SLC35F3: variants seen among roughly 807,000 people sequenced by gnomAD.
The protein encoded by SLC35F3 is putative thiamine transporter SLC35F3.
In SLC35F3, 25 loss-of-function variants were observed where a neutral mutation model predicts 49.9. The ratio of observed to expected loss-of-function variants is 0.50; its 90% CI spans 0.37 to 0.70. The LOEUF (loss-of-function observed/expected upper bound fraction) is 0.70, where lower values mean the gene tolerates loss of function less well. Among genes scored for constraint, SLC35F3 ranks in the 30% least tolerant of loss-of-function variants. SLC35F3 has a pLI of 0.00. For synonymous variants in SLC35F3, 275 were observed against 265.4 expected, an observed-to-expected ratio of 1.04 and a Z score of -0.35; for missense variants, 525 against 639.8, an observed-to-expected ratio of 0.82 and a Z score of 1.94.
chr1:234,283,141 A>G (rs528506085), intron 3 of SLC35F3, among the ~76,000 whole-genome samples: 8 of 152,212 alleles, frequency 5.3e-5, no homozygotes, highest in Non-Finnish European at 1.2e-4. Flanking sequence ...CTCCATCTCC[A>G]TTTGGGGACA....
intron 2 of SLC35F3, among the ~76,000 whole-genome samples, chr1:234,195,516 T>G (rs1018097497): frequency 6.6e-6 from 1 of 152,194 alleles, no homozygotes; most frequent in African/African-American, 2.4e-5. Context: ...TCTTATAGCA[T>G]CAAGCTCCTT....
intron 2 of SLC35F3, among the ~76,000 whole-genome samples, chr1:234,147,746 G>A (rs1275783488): frequency 6.6e-6 from 1 of 152,218 alleles, no homozygotes; most frequent in Non-Finnish European, 1.5e-5. Flanking sequence ...CTCCTGCTCA[G>A]GTTTTTACTT....
intron 2 of SLC35F3, among the ~76,000 whole-genome samples, chr1:234,045,068 T>G (rs1664269984): frequency 6.6e-6 from 1 of 152,176 alleles, no homozygotes; most frequent in Non-Finnish European, 1.5e-5. Context: ...GTTAAATTAA[T>G]TAACATATAT....
intron 2 of SLC35F3, among the ~76,000 whole-genome samples, chr1:234,129,240 C>T (rs942075203): frequency 2.0e-5 from 3 of 152,122 alleles, no homozygotes; most frequent in Admixed American, 6.5e-5. Context: ...AGAAGGTGCT[C>T]GACCTCATTG....
chr1:233,982,194 G>A lies in SLC35F3; in HGVS notation c.283+76436G>A, dbSNP rs142018295. Among the ~76,000 whole-genome samples the A allele has an allele frequency of 1.1e-3, 162 of 152,214 alleles. 1 individual carries two copies. Among genetic ancestry groups the A allele is most frequent in the African/African-American group, 3.7e-3 (153 of 41,534 alleles). ...CCCGCCTCGGCCTTCCAAAGTCTTG[G>A]GATTACCGGCATGAGCCATGACGCC... On this transcript the variant is annotated intron_variant, in intron 2 of 7. Transcript: ENST00000366618.
At chr1:234,272,330 C>T (rs1180059957) in intron 3 of SLC35F3, 2 of 152,170 alleles carry the variant, frequency 1.3e-5, no homozygotes, top group East Asian at 1.9e-4. Flanking sequence ...AGACCTAAAG[C>T]GTTCTAGAAG....
intron 2 of SLC35F3, among the ~76,000 whole-genome samples, chr1:234,017,628 G>A (rs1034041387): frequency 2.0e-5 from 3 of 150,250 alleles, no homozygotes; most frequent in Non-Finnish European, 4.4e-5. Context: ...GCAGGAGAAT[G>A]GCATGAACCC....
At chr1:233,929,886 A>G (rs751244171) in intron 2 of SLC35F3, among the ~76,000 whole-genome samples, 2 of 152,212 alleles carry the variant, frequency 1.3e-5, no homozygotes, top group Non-Finnish European at 2.9e-5. Context: ...AGCCATTTCA[A>G]AGCTCACTGG....
chr1:233,969,061 G>GA (rs370642999), intron 2 of SLC35F3, among the ~76,000 whole-genome samples: 5 of 31,140 alleles, frequency 1.6e-4, no homozygotes, highest in East Asian at 1.3e-3. Context: ...GACATATTTT[G>GA]GGGGGGGGGA....
At chr1:234,251,842 G>A (rs1287760128) in intron 3 of SLC35F3, among the ~76,000 whole-genome samples, 1 of 151,858 alleles carries the variant, frequency 6.6e-6, no homozygotes, top group East Asian at 1.9e-4. Flanking sequence ...ATAAGTGAAG[G>A]AAAGATACAT....
rs1664893062 is a variant in SLC35F3 at position 234,082,466 on chromosome 1, T to C, written c.284-148951T>C. 2.0e-5 allele frequency among the ~76,000 whole-genome samples: 3 copies of C among 152,194 alleles called. 1 individual carries two copies. The highest frequency in any genetic ancestry group is 3.8e-4 in the East Asian group (2 of 5,198). On this transcript the variant is annotated intron_variant, in intron 2 of 7. Coordinates refer to ENST00000366618, the MANE Select transcript of SLC35F3 (RefSeq NM_173508.4). ...CTTGTTTTTTGGTTTTACATTCTGC[T>C]TGTTTTCATTCCCAAAGTTGCTGCC...
At chr1:233,920,323 G>A (rs1402390585) in intron 2 of SLC35F3, among the ~76,000 whole-genome samples, 5 of 152,190 alleles carry the variant, frequency 3.3e-5, no homozygotes, top group Non-Finnish European at 7.3e-5. Flanking sequence ...GCACAAGGTC[G>A]GAGAAAGGAG....
chr1:234,012,160 T>C (rs747416989), intron 2 of SLC35F3, among the ~76,000 whole-genome samples: 5 of 152,238 alleles, frequency 3.3e-5, no homozygotes, highest in African/African-American at 1.2e-4. Context: ...TATTTCTCTC[T>C]GCCCAAACAT....
In SLC35F3 at chr1:234,267,874, T is replaced by C. The variant is rs1395204742; in HGVS notation, c.608+36133T>C. 5.3e-4 allele frequency among the ~76,000 whole-genome samples: 65 copies of C among 122,150 alleles called. 1 individual carries two copies. The highest frequency in any genetic ancestry group is 1.9e-3 in the African/African-American group (53 of 28,414). The allele number at this position is 122,150 out of a possible 152,430, so 80.1% of individuals were successfully genotyped here. ...CCCAGACAGGGCGGCGGGGCAGAGG[T>C]GCTCCCCACATCTCAGACGATGGGC... On this transcript the variant is annotated intron_variant, in intron 3 of 7. Transcript: ENST00000366618.
chr1:234,208,452 G>A (rs1667006497), intron 2 of SLC35F3, among the ~76,000 whole-genome samples: 2 of 152,138 alleles, frequency 1.3e-5, no homozygotes, highest in South Asian at 4.1e-4. Flanking sequence ...GGAATCAGGT[G>A]GGCCCAACAT....
In SLC35F3 at chr1:234,143,278, C is replaced by CTTTTTTT. The variant is rs1394286794; in HGVS notation, c.284-88135_284-88134insTTTTTTT. Among the ~76,000 whole-genome samples the CTTTTTTT allele has an allele frequency of 3.8e-4, 49 of 127,412 alleles. 4 individuals carry two copies. Among genetic ancestry groups the CTTTTTTT allele is most frequent in the African/African-American group, 1.5e-3 (46 of 30,920 alleles). The allele number at this position is 127,412 out of a possible 152,430, so 83.6% of individuals were successfully genotyped here. ...CTGCTTCTATGAGTTTGACTCTTTT[C>CTTTTTTT]TTTTCTTTTCTTTTTTTTTTTTTTT... On this transcript the variant is annotated intron_variant, in intron 2 of 7. Transcript: ENST00000366618.
intron 2 of SLC35F3, among the ~76,000 whole-genome samples, chr1:234,041,551 A>G (rs924015140): frequency 2.0e-5 from 3 of 152,114 alleles, no homozygotes; most frequent in African/African-American, 7.2e-5. Flanking sequence ...GTCTGCCTGT[A>G]TGTATCTATA....
intron 4 of SLC35F3, among the ~76,000 whole-genome samples, chr1:234,311,759 G>A (rs1194448772): frequency 6.6e-6 from 1 of 152,208 alleles, no homozygotes; most frequent in African/African-American, 2.4e-5. Flanking sequence ...CTGCTTAGGT[G>A]TGCTTTCTGT....
intron 2 of SLC35F3, among the ~76,000 whole-genome samples, chr1:234,127,447 G>A (rs376196534): frequency 4.6e-5 from 7 of 152,160 alleles, no homozygotes; most frequent in Non-Finnish European, 8.8e-5. Context: ...TACATCGTGT[G>A]CTGCCAGGAA....
Sources: allele counts gnomAD v4.1 joint callset (sites outside exome capture counted in the v4.1 genomes callset), GRCh38; gene constraint gnomAD v4.1.1; transcripts MANE v1.5; gene names NCBI Gene and HGNC (gene_info 2026-07-23, HGNC 2026-07-21).